MAPK4: variants seen among roughly 807,000 people sequenced by gnomAD.
MAPK4 encodes Erk3-related.
MAPK4 carries 22 observed loss-of-function variants against 47.7 expected under a neutral mutation model. The ratio of observed to expected loss-of-function variants is 0.46; its 90% CI spans 0.33 to 0.66. The LOEUF is 0.66. MAPK4 is among the 30% of genes least tolerant of loss of function. The pLI, the probability that MAPK4 is intolerant of heterozygous loss-of-function variation, is 0.02. For missense variants in MAPK4, 736 were observed against 831.7 expected (o/e 0.88, Z 1.42); for synonymous variants, 390 against 365.7 (o/e 1.07, Z -0.76).
intron 1 of MAPK4, among the ~76,000 whole-genome samples, chr18:50,584,627 C>T (rs1324507526): frequency 6.6e-6 from 1 of 152,226 alleles, no homozygotes; most frequent in African/African-American, 2.4e-5. Context: ...GCACATGTTA[C>T]AAACCCAGGT....
At chr18:50,665,618 C>A (rs373706027) in intron 2 of MAPK4, among the ~76,000 whole-genome samples, 1 of 152,334 alleles carries the variant, frequency 6.6e-6, no homozygotes, top group East Asian at 1.9e-4. Context: ...GGGCACTGAT[C>A]TGCCCTCTAC....
intron 1 of MAPK4, among the ~76,000 whole-genome samples, chr18:50,606,202 G>T (rs1467882772): frequency 6.6e-6 from 1 of 152,144 alleles, no homozygotes; most frequent in African/African-American, 2.4e-5. Context: ...CATGGTCTTA[G>T]TTTTTGATGG....
At chr18:50,720,414 G>A in intron 3 of MAPK4, among the ~76,000 whole-genome samples, 1 of 152,070 alleles carries the variant, frequency 6.6e-6, no homozygotes, top group East Asian at 1.9e-4. Context: ...AAGGGGTGGG[G>A]GAGCTAGGTC....
At chr18:50,614,381 A>G (rs2042666005) in intron 1 of MAPK4, among the ~76,000 whole-genome samples, 1 of 152,150 alleles carries the variant, frequency 6.6e-6, no homozygotes, top group Non-Finnish European at 1.5e-5. Context: ...TTTAAACAGT[A>G]TTTAAAATAT....
intron 1 of MAPK4, among the ~76,000 whole-genome samples, chr18:50,581,792 G>A (rs1329929899): frequency 6.6e-6 from 1 of 152,162 alleles, no homozygotes; most frequent in African/African-American, 2.4e-5. Context: ...AACAGTTACT[G>A]GGATACGTGA....
At chr18:50,679,897 C>G (rs1468080926) in intron 2 of MAPK4, among the ~76,000 whole-genome samples, 2 of 151,988 alleles carry the variant, frequency 1.3e-5, no homozygotes, top group East Asian at 3.9e-4. Context: ...TGCTCTTACG[C>G]TGTCCTCCTC....
At chr18:50,703,463 C>T (rs1909893827) in intron 2 of MAPK4, among the ~76,000 whole-genome samples, 1 of 152,214 alleles carries the variant, frequency 6.6e-6, no homozygotes, top group Admixed American at 6.5e-5. Context: ...CCAAGAGGTC[C>T]CAGCACTCAG....
intron 1 of MAPK4, among the ~76,000 whole-genome samples, chr18:50,661,835 C>T (rs189307772): frequency 1.3e-5 from 2 of 152,262 alleles, no homozygotes; most frequent in Admixed American, 6.5e-5. Context: ...AACAGAATTA[C>T]CGAAGATCTG....
intron 2 of MAPK4, among the ~76,000 whole-genome samples, chr18:50,672,553 C>T (rs1394302269): frequency 2.6e-5 from 4 of 152,118 alleles, no homozygotes; most frequent in African/African-American, 2.4e-5. Context: ...CGAGAAGAGG[C>T]TCTTCCCTCT....
intron 2 of MAPK4, among the ~76,000 whole-genome samples, chr18:50,706,487 C>A (rs1333500855): frequency 6.8e-6 from 1 of 146,236 alleles, no homozygotes; most frequent in African/African-American, 2.5e-5. Flanking sequence ...TCCCTAGGTG[C>A]TTCCAGCCTG....
At chr18:50,696,187 C>T (rs931658291) in intron 2 of MAPK4, among the ~76,000 whole-genome samples, 11 of 151,892 alleles carry the variant, frequency 7.2e-5, no homozygotes, top group African/African-American at 2.7e-4. Context: ...AGGGCACCAG[C>T]GGAGCCAGGA....
At chr18:50,607,678 C>A (rs2042594049) in intron 1 of MAPK4, among the ~76,000 whole-genome samples, 1 of 152,234 alleles carries the variant, frequency 6.6e-6, no homozygotes, top group African/African-American at 2.4e-5. Flanking sequence ...CACTCTCAGT[C>A]ATGTACCCAT....
In MAPK4 at chr18:50,730,221, C is replaced by G; in HGVS notation, c.*367C>G. On this transcript the variant is annotated 3_prime_UTR_variant, in exon 6 of 6. Coordinates refer to ENST00000400384, the MANE Select transcript of MAPK4 (RefSeq NM_002747.4). ...CGAAACCATCTGGCCCAACTAGCCT[C>G]AACTGACAGCTGAGGAAAGGCAATT... 5.6e-6 allele frequency: 1 copy of G among 177,306 alleles called. No homozygotes were observed. The highest frequency in any genetic ancestry group is 1.5e-4 in the East Asian group (1 of 6,784). 11.0% of individuals were successfully genotyped at this position (177,306 alleles called of 1,614,324 possible).
At chr18:50,660,475 A>T (rs1258126827) in intron 1 of MAPK4, among the ~76,000 whole-genome samples, 1 of 152,206 alleles carries the variant, frequency 6.6e-6, no homozygotes, top group Non-Finnish European at 1.5e-5. Context: ...AACGGTACTC[A>T]GCTCCTTCCA....
intron 1 of MAPK4, among the ~76,000 whole-genome samples, chr18:50,576,139 T>TG (rs57519482): frequency 0.89 from 134,623 of 152,038 alleles, 59,804 homozygotes; most frequent in East Asian, 0.99. Flanking sequence ...CCTTTTTTTT[T>TG]GGGTATATAC....
intron 4 of MAPK4, among the ~76,000 whole-genome samples, chr18:50,723,904 T>C (rs758914437): frequency 6.6e-5 from 10 of 151,362 alleles, no homozygotes; most frequent in Non-Finnish European, 1.5e-4. Context: ...TCCTAGTGTT[T>C]GGGCTTCCCA....
chr18:50,638,015 T>C (rs2042902863), intron 1 of MAPK4, among the ~76,000 whole-genome samples: 1 of 152,192 alleles, frequency 6.6e-6, no homozygotes, highest in African/African-American at 2.4e-5. Flanking sequence ...GTCTAACAAG[T>C]GGGTTTTGTG....
chr18:50,652,384 C>T (rs1248874755), intron 1 of MAPK4, among the ~76,000 whole-genome samples: 5 of 152,186 alleles, frequency 3.3e-5, no homozygotes, highest in Non-Finnish European at 7.3e-5. Context: ...AGGAGGTAGC[C>T]ATGCCTATGT....
intron 2 of MAPK4, among the ~76,000 whole-genome samples, chr18:50,692,902 C>T (rs377739814): frequency 6.6e-6 from 1 of 152,124 alleles, no homozygotes; most frequent in Non-Finnish European, 1.5e-5. Context: ...GCAGCTCCTC[C>T]GTTTTGCAGG....
Sources: allele counts gnomAD v4.1 joint callset (sites outside exome capture counted in the v4.1 genomes callset), GRCh38; gene constraint gnomAD v4.1.1; transcripts MANE v1.5; gene names NCBI Gene and HGNC (gene_info 2026-07-23, HGNC 2026-07-21).